The following ATP1A1 variants were observed in gnomAD, a reference collection of about 807,000 sequenced individuals.
The protein encoded by ATP1A1 is ATPase Na+/K+ transporting subunit alpha 1.
Under a neutral mutation model 114.8 loss-of-function variants are expected in ATP1A1, and 14 were observed. The ratio of observed to expected loss-of-function variants is 0.12; its 90% CI spans 0.08 to 0.19. ATP1A1 has a LOEUF of 0.19. Ranked by LOEUF, ATP1A1 falls within the 10% of genes least tolerant of loss-of-function variation. ATP1A1 has a pLI of 1.00. For synonymous variants in ATP1A1, 471 were observed against 466.3 expected (o/e 1.01, Z -0.13); for missense variants, 524 against 1,290.7 (o/e 0.41, Z 9.10).
In ATP1A1 at chr1:116,385,051, C is replaced by T. The variant is rs1215509267; in HGVS notation, c.183+209C>T. The T allele has an allele frequency of 1.8e-6, 1 of 546,626 alleles. No homozygotes were observed. Among genetic ancestry groups the T allele is most frequent in the Non-Finnish European group, 3.2e-6 (1 of 312,340 alleles). The allele number at this position is 546,626 out of a possible 1,614,324, so 33.9% of individuals were successfully genotyped here. On this transcript the variant is annotated intron_variant, in intron 3 of 22. Coordinates refer to ENST00000295598, the MANE Select transcript of ATP1A1 (RefSeq NM_000701.8). This position sits in a 1 kb window ranked among gnomAD's most constrained non-coding sequence, Gnocchi z 4.3. The stretch of plus-strand genomic sequence containing the variant: ...ACTTTTTGAAAGTAGATGTTATTTT[C>T]TTTTCCCTATTTTATAGCAGTTGAG...
At chr1:116,402,821 A>G (rs1314742386) in intron 21 of ATP1A1, among the ~76,000 whole-genome samples, 1 of 152,078 alleles carries the variant, frequency 6.6e-6, no homozygotes, top group African/African-American at 2.4e-5. Flanking sequence ...CTTCTCTGGC[A>G]TTACTTGTTG....
chr1:116,397,874 TGTCCTAA>T lies in ATP1A1; in HGVS notation c.1974-13_1974-7del. ...TGATGCGTGACTTTTTTTTTTTTTT[TGTCCTAA>T]TTCTAGGGATGCCAAGGCCTGCGTA... On this transcript the variant is annotated splice_polypyrimidine_tract_variant and splice_region_variant and intron_variant, in intron 14 of 22. Coordinates refer to ENST00000295598, the MANE Select transcript of ATP1A1 (RefSeq NM_000701.8). This position sits in a 1 kb window ranked among gnomAD's most constrained non-coding sequence, Gnocchi z 4.2. 3.2e-6 allele frequency: 5 copies of T among 1,577,534 alleles called. No homozygotes were observed. In the Admixed American group the frequency reaches 5.6e-5, roughly 18 times the overall value.
intron 21 of ATP1A1, 128 bp from the exon 22 acceptor site, chr1:116,403,756 A>G: frequency 1.3e-6 from 1 of 764,172 alleles, no homozygotes; most frequent in African/African-American, 1.7e-5. Context: ...CTCAGTAGTT[A>G]ACTGTGACTG....
At position 116,393,275 on chromosome 1, in the gene ATP1A1, C is replaced by T. The variant is rs766866716; in HGVS notation, c.1468-256C>T. ...TGTGTACACAAGTGTTCCCCAATCC[C>T]TGTGTTCTGAAATTTCGTATGTTCT... On this transcript the variant is annotated intron_variant, in intron 11 of 22. Transcript: ENST00000295598. This position sits in a 1 kb window ranked among gnomAD's most constrained non-coding sequence, Gnocchi z 5.0. Among the ~76,000 whole-genome samples, 32 of 151,672 alleles carry T rather than the reference C, an allele frequency of 2.1e-4. No individual in the cohort carries two copies. Among genetic ancestry groups the T allele is most frequent in the Non-Finnish European group, 4.3e-4 (29 of 67,988 alleles).
At chr1:116,373,707 C>CGGGGGGCGGGGGAAG (rs1557776043) in intron 1 of ATP1A1, among the ~76,000 whole-genome samples, 184 bp downstream of exon 1, 1 of 92,394 alleles carries the variant, frequency 1.1e-5, no homozygotes, top group Non-Finnish European at 2.1e-5. Context: ...AGCGCAGTAA[C>CGGGGGGCGGGGGAAG]GGGGGGCGGG....
At chr1:116,374,607 T>C (rs1651232662) in intron 1 of ATP1A1, among the ~76,000 whole-genome samples, 1 of 152,142 alleles carries the variant, frequency 6.6e-6, no homozygotes, top group Non-Finnish European at 1.5e-5. Context: ...CCCCTAGCTA[T>C]TACCCGTGCA....
rs899723240 is a variant in ATP1A1, at chr1:116,394,196, G to A, written c.1660+473G>A. ...TGCTCAGCTTAGAAACTAGACTAAC[G>A]GTAAACTTTTAGTCTAAGATGCTAC... On this transcript the variant is annotated intron_variant, in intron 12 of 22. Coordinates refer to ENST00000295598, the MANE Select transcript of ATP1A1 (RefSeq NM_000701.8). 3.9e-5 allele frequency among the ~76,000 whole-genome samples: 6 copies of A among 152,028 alleles called. No individual in the cohort carries two copies. The South Asian group carries it at 6.2e-4, about 16-fold the overall frequency.
chr1:116,402,419 T>C (rs1653565486), intron 21 of ATP1A1, among the ~76,000 whole-genome samples: 1 of 152,174 alleles, frequency 6.6e-6, no homozygotes, highest in African/African-American at 2.4e-5. Context: ...ATTCCTGCTG[T>C]CCTCATCCTT....
chr1:116,387,386 G>A lies in ATP1A1; in HGVS notation c.282G>A (p.Arg94=). 3 of 1,614,178 alleles carry A rather than the reference G, an allele frequency of 1.9e-6. No homozygotes were observed. Among genetic ancestry groups the A allele is most frequent in the East Asian group, 4.5e-5 (2 of 44,880 alleles). ...PTTPEWIKFC[R]QLFGGFSMLL... ...CTCCTGAATGGATCAAGTTTTGTCG[G>A]CAGCTCTTTGGGGGGTTCTCAATGT... is the stretch of plus-strand genomic sequence containing the variant. The change falls in exon 4 of 23, where the codon CGG becomes CGA. Residue 94 remains arginine (R), a synonymous_variant. Transcript: ENST00000295598. This position sits in a 1 kb window ranked among gnomAD's most constrained non-coding sequence, Gnocchi z 6.7.
At position 116,398,026 on chromosome 1, in the gene ATP1A1, C is replaced by T. The variant is rs1490535697; in HGVS notation, c.2112C>T (p.Gly704=). ...AGCAGAAGCTCATCATTGTGGAAGGCTGCCAAAGACAGGTCAGCCAGCACA... is the reference window on the plus strand; with the variant it reads ...AGCAGAAGCTCATCATTGTGGAAGGTTGCCAAAGACAGGTCAGCCAGCACA... ...SPQQKLIIVE[G]CQRQGAIVAV... Residue 704 remains glycine, a synonymous_variant, in exon 15 of 23, where the codon GGC becomes GGT. Transcript: ENST00000295598. The surrounding 1 kb of genome is among the most constrained non-coding windows in gnomAD (Gnocchi z 6.1). 1 of 1,613,878 alleles carries T rather than the reference C, an allele frequency of 6.2e-7. No individual in the cohort carries two copies. The highest frequency in any genetic ancestry group is 1.1e-5 in the South Asian group (1 of 91,030).
intron 9 of ATP1A1, 130 bp downstream of exon 9, chr1:116,390,541 T>C: frequency 9.5e-7 from 1 of 1,049,390 alleles, no homozygotes. Context: ...TTTTTGTTTT[T>C]TTTTTTTTTA....
At position 116,398,320 on chromosome 1, in the gene ATP1A1, G is replaced by T. The variant is rs1653107874; in HGVS notation, c.2124+282G>T. Among the ~76,000 whole-genome samples the T allele has an allele frequency of 6.6e-6, 1 of 152,170 alleles. No individual in the cohort carries two copies. The highest frequency in any genetic ancestry group is 2.1e-4 in the South Asian group (1 of 4,834). On this transcript the variant is annotated intron_variant, in intron 15 of 22. Coordinates refer to ENST00000295598, the MANE Select transcript of ATP1A1 (RefSeq NM_000701.8). This position sits in a 1 kb window ranked among gnomAD's most constrained non-coding sequence, Gnocchi z 6.1. ...CCTAGTATTTGCAATAGAGATGTGAGTGGTCAGACTACAGGGCGTGCATAC... is the reference window on the plus strand; with the variant it reads ...CCTAGTATTTGCAATAGAGATGTGATTGGTCAGACTACAGGGCGTGCATAC...
At chr1:116,400,022 C>T (rs1653305184) in intron 18 of ATP1A1, among the ~76,000 whole-genome samples, 2 of 152,234 alleles carry the variant, frequency 1.3e-5, no homozygotes, top group African/African-American at 4.8e-5. Flanking sequence ...CACTGGACTT[C>T]TGCCCCCACA....
At chr1:116,374,732 G>A (rs1441402640) in intron 1 of ATP1A1, among the ~76,000 whole-genome samples, 2 of 152,216 alleles carry the variant, frequency 1.3e-5, no homozygotes, top group Non-Finnish European at 2.9e-5. Context: ...ACAAATGGGA[G>A]AGAATCCACT....
At chr1:116,377,590 CT>C (rs1355458976) in intron 1 of ATP1A1, among the ~76,000 whole-genome samples, 1 of 152,196 alleles carries the variant, frequency 6.6e-6, no homozygotes, top group Admixed American at 6.5e-5. Context: ...AGGTGAAGGA[CT>C]TTGTTCGCGG....
At position 116,384,855 on chromosome 1, in the gene ATP1A1, T is replaced by C. The variant is rs761490876; in HGVS notation, c.183+13T>C. ...AGACTTGAGCCGGGTATGTTCTAGT[T>C]TGAAAGCTGTTGTACAAAATCCTAG... On this transcript the variant is annotated intron_variant, in intron 3 of 22. Transcript: ENST00000295598. The surrounding 1 kb of genome is among the most constrained non-coding windows in gnomAD (Gnocchi z 5.1). 6.2e-7 allele frequency: 1 copy of C among 1,612,948 alleles called. No individual in the cohort carries two copies. The highest frequency in any genetic ancestry group is 1.7e-5 in the Admixed American group (1 of 60,000).
chr1:116,401,834 G>T lies in ATP1A1; in HGVS notation c.2951+179G>T, dbSNP rs140128261. On this transcript the variant is annotated intron_variant, in intron 21 of 22. Coordinates refer to ENST00000295598, the MANE Select transcript of ATP1A1 (RefSeq NM_000701.8). This position sits in a 1 kb window ranked among gnomAD's most constrained non-coding sequence, Gnocchi z 4.7. ...GTAAATCAGACTAACAAATCCTGAG[G>T]CTTCCATGATAGCAGCTAGTGTTTA... 2.1e-4 allele frequency: 132 copies of T among 633,504 alleles called. No homozygotes were observed. The highest frequency in any genetic ancestry group is 3.2e-4 in the Non-Finnish European group (117 of 362,220). 39.2% of individuals were successfully genotyped at this position (633,504 alleles called of 1,614,324 possible).
chr1:116,388,850 T>TG lies in ATP1A1; in HGVS notation c.637-51dup. 1.9e-6 allele frequency: 3 copies of TG among 1,612,822 alleles called. No homozygotes were observed. Among genetic ancestry groups the TG allele is most frequent in the Middle Eastern group, 1.7e-4 (1 of 6,054 alleles). On this transcript the variant is annotated intron_variant, in intron 6 of 22. Coordinates refer to ENST00000295598, the MANE Select transcript of ATP1A1 (RefSeq NM_000701.8). This position sits in a 1 kb window ranked among gnomAD's most constrained non-coding sequence, Gnocchi z 5.6. ...TTGATTTGAGGGGTACAGTAGCCCA[T>TG]GATAAGGCTGGTGTATTCACATGAC...
chr1:116,393,805 C>A lies in ATP1A1; in HGVS notation c.1660+82C>A. ...TCTGGTAGACAGTTAACAAGTGATC[C>A]TATGAACCTCTATGTCTTGTTGACC... is the stretch of plus-strand genomic sequence containing the variant. On this transcript the variant is annotated intron_variant, in intron 12 of 22. Transcript: ENST00000295598. This position sits in a 1 kb window ranked among gnomAD's most constrained non-coding sequence, Gnocchi z 5.0. 1 of 1,316,842 alleles carries A rather than the reference C, an allele frequency of 7.6e-7. No homozygotes were observed. The allele number at this position is 1,316,842 out of a possible 1,614,324, so 81.6% of individuals were successfully genotyped here. A position where few individuals can be genotyped will look rare whatever the true frequency, so the allele number is the denominator to read the frequency against.
Sources: gnomAD v4.1 joint callset for allele counts (sites outside exome capture counted in the v4.1 genomes callset) on GRCh38, gnomAD v4.1.1 for gene constraint, Gnocchi (gnomAD v3.1) non-coding constraint, MANE v1.5 for transcripts, NCBI Gene and HGNC (gene_info 2026-07-23, HGNC 2026-07-21) for gene names.